Variants in FBXL20 observed in about 807,000 individuals in gnomAD.
FBXL20 encodes the protein F-box/LRR-repeat protein 20.
In FBXL20, 11 loss-of-function variants were observed where a neutral mutation model predicts 64.0. That is an observed-to-expected ratio of 0.17 (90% CI 0.11 to 0.28). The LOEUF (loss-of-function observed/expected upper bound fraction) is 0.28, where lower values mean the gene tolerates loss of function less well. Among genes scored for constraint, FBXL20 ranks in the 10% least tolerant of loss-of-function variants. The probability of loss-of-function intolerance (pLI) is 1.00; values close to 1 mark genes in which losing one functional copy is unlikely to be tolerated. For synonymous variants in FBXL20, 184 were observed against 189.0 expected, an observed-to-expected ratio of 0.97 and a Z score of 0.22; for missense variants, 303 against 526.2, an observed-to-expected ratio of 0.58 and a Z score of 4.15.
At chr17:39,339,114 G>C (rs893959535) in intron 2 of FBXL20, among the ~76,000 whole-genome samples, 3 of 143,350 alleles carry the variant, frequency 2.1e-5, no homozygotes, top group Non-Finnish European at 4.5e-5. Context: ...GTTACAGTGA[G>C]CCGAGATCAT....
intron 1 of FBXL20, among the ~76,000 whole-genome samples, chr17:39,356,404 G>A (rs934533558): frequency 3.3e-5 from 5 of 151,952 alleles, no homozygotes; most frequent in African/African-American, 1.2e-4. Context: ...CACTGAGGCT[G>A]GAGTACAGTG....
At chr17:39,387,318 C>A (rs1230570163) in intron 1 of FBXL20, among the ~76,000 whole-genome samples, 2 of 145,038 alleles carry the variant, frequency 1.4e-5, no homozygotes, top group Admixed American at 1.4e-4. Context: ...CCACTCTTGT[C>A]CCCCAGGCTG....
intron 1 of FBXL20, among the ~76,000 whole-genome samples, chr17:39,389,896 G>A (rs1000723398): frequency 6.6e-6 from 1 of 152,154 alleles, no homozygotes; most frequent in Non-Finnish European, 1.5e-5. Flanking sequence ...CTACATATCA[G>A]AGAAGGAAGA....
intron 2 of FBXL20, among the ~76,000 whole-genome samples, chr17:39,335,132 A>C (rs1243679657): frequency 6.6e-6 from 1 of 152,208 alleles, no homozygotes; most frequent in Admixed American, 6.5e-5. Context: ...GTCACTAGAC[A>C]GATAATCTCA....
At position 39,363,626 on chromosome 17, in the gene FBXL20, A is replaced by G. The variant is rs76388066; in HGVS notation, c.43-20385T>C. 9.2e-3 allele frequency among the ~76,000 whole-genome samples: 1,396 copies of G among 152,056 alleles called. 18 individuals carry two copies. Among genetic ancestry groups the G allele is most frequent in the African/African-American group, 0.032 (1,320 of 41,488 alleles). On this transcript the variant is annotated intron_variant, in intron 1 of 14. Transcript: ENST00000264658. ...GGAATTCCAGACCAGCCTGGGCAAC[A>G]TGATGAGGCCCCTCCTCTAGAAAAA...
intron 1 of FBXL20, among the ~76,000 whole-genome samples, chr17:39,382,427 A>G (rs1241942050): frequency 7.0e-6 from 1 of 143,530 alleles, no homozygotes; most frequent in Non-Finnish European, 1.5e-5. Flanking sequence ...ACAGCAACAG[A>G]GAGAGACTCC....
At chr17:39,386,242 G>C (rs2048078726) in intron 1 of FBXL20, among the ~76,000 whole-genome samples, 1 of 152,030 alleles carries the variant, frequency 6.6e-6, no homozygotes, top group South Asian at 2.1e-4. Context: ...GGGAGGCAGA[G>C]GTTGCAGTGA....
chr17:39,359,497 G>A (rs1020744546), intron 1 of FBXL20, among the ~76,000 whole-genome samples: 6 of 152,046 alleles, frequency 3.9e-5, no homozygotes, highest in Admixed American at 6.6e-5. Context: ...GTAGCACACC[G>A]GAGGCTGAAG....
At chr17:39,388,489 A>AC (rs376642285) in intron 1 of FBXL20, among the ~76,000 whole-genome samples, 4,703 of 144,804 alleles carry the variant, frequency 0.032, 111 homozygotes, top group African/African-American at 0.07. Flanking sequence ...TTTTTTTTTA[A>AC]TTTTTTTTTT....
At chr17:39,308,722 C>T (rs1207023174) in intron 2 of FBXL20, among the ~76,000 whole-genome samples, 3 of 151,868 alleles carry the variant, frequency 2.0e-5, no homozygotes, top group African/African-American at 4.8e-5. Context: ...CGAACCACCA[C>T]GCCCGGCTAA....
At chr17:39,314,075 A>G (rs961598755) in intron 2 of FBXL20, among the ~76,000 whole-genome samples, 1 of 152,184 alleles carries the variant, frequency 6.6e-6, no homozygotes, top group African/African-American at 2.4e-5. Flanking sequence ...TGTACCCATT[A>G]GCAGTCACTC....
At chr17:39,278,649 G>C (rs1410113149) in intron 9 of FBXL20, among the ~76,000 whole-genome samples, 1 of 148,430 alleles carries the variant, frequency 6.7e-6, no homozygotes, top group Non-Finnish European at 1.5e-5. Flanking sequence ...CTGGGTTCAA[G>C]CGATTCTCCT....
At chr17:39,344,828 C>T (rs1427370888) in intron 1 of FBXL20, among the ~76,000 whole-genome samples, 1 of 152,094 alleles carries the variant, frequency 6.6e-6, no homozygotes, top group Non-Finnish European at 1.5e-5. Context: ...TATTCTCTTT[C>T]ATGTTTATAT....
chr17:39,388,733 T>C (rs1051632773), intron 1 of FBXL20, among the ~76,000 whole-genome samples: 11 of 149,822 alleles, frequency 7.3e-5, no homozygotes, highest in Non-Finnish European at 1.0e-4. Context: ...CCACCCACCT[T>C]GGCCTCCCAA....
chr17:39,353,418 C>G (rs2053422532), intron 1 of FBXL20, among the ~76,000 whole-genome samples: 1 of 151,958 alleles, frequency 6.6e-6, no homozygotes, highest in South Asian at 2.1e-4. Flanking sequence ...TATAATTGTT[C>G]TATTTTATTA....
chr17:39,281,616 A>G (rs2046951247), intron 8 of FBXL20, among the ~76,000 whole-genome samples, 153 bp from the exon 9 acceptor site: 1 of 152,252 alleles, frequency 6.6e-6, no homozygotes, highest in African/African-American at 2.4e-5. Context: ...ATCATATAAC[A>G]GTATAATTCT....
chr17:39,294,183 C>T (rs765866672), intron 6 of FBXL20, among the ~76,000 whole-genome samples: 1 of 151,894 alleles, frequency 6.6e-6, no homozygotes, highest in Non-Finnish European at 1.5e-5. Context: ...CTATGTTGGC[C>T]AGGCTAGACT....
chr17:39,292,032 T>C (rs2047044090), intron 6 of FBXL20, among the ~76,000 whole-genome samples: 1 of 150,726 alleles, frequency 6.6e-6, no homozygotes, highest in Non-Finnish European at 1.5e-5. Context: ...TATGGCTCAT[T>C]ATTTGGTTTG....
At chr17:39,370,367 T>A (rs1383765715) in intron 1 of FBXL20, among the ~76,000 whole-genome samples, 1 of 151,400 alleles carries the variant, frequency 6.6e-6, no homozygotes, top group Non-Finnish European at 1.5e-5. Context: ...GGCAGGCACC[T>A]GTATTCCCAG....
Sources: allele counts gnomAD v4.1 joint callset (sites outside exome capture counted in the v4.1 genomes callset), GRCh38; gene constraint gnomAD v4.1.1; transcripts MANE v1.5; gene names NCBI Gene and HGNC (gene_info 2026-07-23, HGNC 2026-07-21).